Variants in RAP1B observed in about 807,000 individuals in gnomAD.
The protein encoded by RAP1B is ras-related protein Rap-1b.
A neutral mutation model predicts 27.5 loss-of-function variants in RAP1B; 1 was observed. That is an observed-to-expected ratio of 0.04 (90% CI 0.01 to 0.17). The LOEUF (loss-of-function observed/expected upper bound fraction) is 0.17, where lower values mean the gene tolerates loss of function less well. Ranked by LOEUF, RAP1B falls within the 10% of genes least tolerant of loss-of-function variation. The probability of loss-of-function intolerance (pLI) is 1.00; values close to 1 mark genes in which losing one functional copy is unlikely to be tolerated. For missense variants in RAP1B, 84 were observed against 214.8 expected (o/e 0.39, Z 3.81); for synonymous variants, 75 against 73.1 (o/e 1.03, Z -0.13).
In RAP1B at chr12:68,659,512, A is replaced by C. The variant is rs1207793066; in HGVS notation, c.*263A>C. 3.1e-6 allele frequency: 1 copy of C among 321,844 alleles called. No homozygotes were observed. Among genetic ancestry groups the C allele is most frequent in the Non-Finnish European group, 6.1e-6 (1 of 163,622 alleles). The allele number at this position is 321,844 out of a possible 1,614,324, so 19.9% of individuals were successfully genotyped here. ...AGAGGCTACATCCAGTATTACTGCT[A>C]AGAGACATTCTTCATCCACCAATGT... On this transcript the variant is annotated 3_prime_UTR_variant, in exon 8 of 8. Coordinates refer to ENST00000250559, the MANE Select transcript of RAP1B (RefSeq NM_001010942.3).
intron 1 of RAP1B, among the ~76,000 whole-genome samples, chr12:68,630,870 G>A (rs968416818): frequency 2.0e-5 from 3 of 151,812 alleles, no homozygotes; most frequent in Non-Finnish European, 4.4e-5. Flanking sequence ...TTTTGTAGGG[G>A]TGGGGTTTCG....
At chr12:68,611,611 C>G (rs1310791634) in intron 1 of RAP1B, among the ~76,000 whole-genome samples, 3 of 152,158 alleles carry the variant, frequency 2.0e-5, no homozygotes, top group African/African-American at 7.2e-5. Flanking sequence ...TTGAGCCTGA[C>G]AGCGAAAAAG....
At chr12:68,614,884 T>G (rs917577589) in intron 1 of RAP1B, among the ~76,000 whole-genome samples, 6 of 152,238 alleles carry the variant, frequency 3.9e-5, no homozygotes, top group Non-Finnish European at 8.8e-5. Context: ...GTAAATCTCA[T>G]AAGCACAGTG....
rs944790435 is a variant in RAP1B, at chr12:68,659,383, G to A, written c.*134G>A. 5.1e-5 allele frequency: 22 copies of A among 427,514 alleles called. No homozygotes were observed. The highest frequency in any genetic ancestry group is 1.5e-4 in the South Asian group (9 of 59,614). 26.5% of individuals were successfully genotyped at this position (427,514 alleles called of 1,614,324 possible). ...CCTGTGGTGGTACCCTTTAAGAGGC[G>A]GATGAAAGCTACTATATCAGTTTGC... On this transcript the variant is annotated 3_prime_UTR_variant, in exon 8 of 8. Transcript: ENST00000250559.
At chr12:68,626,996 GA>G (rs1469880075) in intron 1 of RAP1B, 1 of 1,556,914 alleles carries the variant, frequency 6.4e-7, no homozygotes, top group South Asian at 1.1e-5. Flanking sequence ...TGAACTTGGT[GA>G]AGCCCCACTT....
intron 1 of RAP1B, among the ~76,000 whole-genome samples, chr12:68,632,090 A>G (rs1409982379): frequency 6.7e-6 from 1 of 148,874 alleles, no homozygotes; most frequent in Non-Finnish European, 1.5e-5. Context: ...AAACACATAA[A>G]ATGAACATGA....
At chr12:68,651,302 A>G (rs554896645) in intron 3 of RAP1B, among the ~76,000 whole-genome samples, 1 of 151,424 alleles carries the variant, frequency 6.6e-6, no homozygotes, top group Non-Finnish European at 1.5e-5. Flanking sequence ...GTATTTCCCA[A>G]CCTCTATGAA....
chr12:68,650,393 T>C lies in RAP1B; in HGVS notation c.58-7T>C. On this transcript the variant is annotated splice_region_variant and splice_polypyrimidine_tract_variant and intron_variant, in intron 2 of 7. Transcript: ENST00000250559. ...GAAGTATAATGGTTTCTTAATTTTT[T>C]TTTCAGACTGTACAATTTGTTCAAG... 1 of 1,542,788 alleles carries C rather than the reference T, an allele frequency of 6.5e-7. No individual in the cohort carries two copies. Among genetic ancestry groups the C allele is most frequent in the Admixed American group, 2.1e-5 (1 of 47,404 alleles).
At chr12:68,656,261 A>G in intron 5 of RAP1B, 45 bp from the exon 6 acceptor site, 7 of 1,508,050 alleles carry the variant, frequency 4.6e-6, no homozygotes, top group Non-Finnish European at 6.4e-6. Context: ...GAATTCATAT[A>G]GCATATTTAC....
rs1875014327 is a variant in RAP1B at position 68,669,934 on chromosome 12, TC to T, written c.*10686del. The T allele has an allele frequency of 2.9e-5, 3 of 103,928 alleles. No individual in the cohort carries two copies. Among genetic ancestry groups the T allele is most frequent in the African/African-American group, 3.3e-5 (1 of 30,090 alleles). 6.4% of individuals were successfully genotyped at this position (103,928 alleles called of 1,614,324 possible). A position where few individuals can be genotyped will look rare whatever the true frequency, so the allele number is the denominator to read the frequency against. On this transcript the variant is annotated 3_prime_UTR_variant, in exon 8 of 8. Transcript: ENST00000250559. ...TGACAAAAATATATTTCTTTTTCTT[TC>T]TTTTTTTTTTTTTTTTTTTTGAGAC...
At chr12:68,652,833 G>A (rs539049948) in intron 4 of RAP1B, among the ~76,000 whole-genome samples, 1 of 152,310 alleles carries the variant, frequency 6.6e-6, no homozygotes, top group South Asian at 2.1e-4. Context: ...AAAATTTTCA[G>A]TCTCACTAGT....
chr12:68,630,660 T>TG (rs983127828), intron 1 of RAP1B, among the ~76,000 whole-genome samples: 4 of 152,080 alleles, frequency 2.6e-5, no homozygotes, highest in Non-Finnish European at 4.4e-5. Flanking sequence ...TTTTTGGTTT[T>TG]GGGGTCTTTT....
chr12:68,611,269 G>T (rs1870554745), intron 1 of RAP1B, among the ~76,000 whole-genome samples: 1 of 149,966 alleles, frequency 6.7e-6, no homozygotes, highest in South Asian at 2.1e-4. Context: ...AGCAGCCGCC[G>T]CCGCCGCGGG....
At chr12:68,655,591 A>AC (rs1874150364) in intron 5 of RAP1B, among the ~76,000 whole-genome samples, 1 of 144,630 alleles carries the variant, frequency 6.9e-6, no homozygotes, top group Non-Finnish European at 1.5e-5. Flanking sequence ...GCTGGAGTGC[A>AC]ATGGCACGAT....
At position 68,631,515 on chromosome 12, in the gene RAP1B, T is replaced by C. The variant is rs191800609; in HGVS notation, c.-26-17184T>C. Among the ~76,000 whole-genome samples, 9 of 152,312 alleles carry C rather than the reference T, an allele frequency of 5.9e-5. No individual in the cohort carries two copies. In the East Asian group the frequency reaches 1.5e-3, roughly 26 times the overall value. Reference sequence around the variant, plus strand: ...ATGAGTCAGAGCTCTTCACTGATACTCAGAGATCTCCTTAATCTTAACTGA... The same window carrying C: ...ATGAGTCAGAGCTCTTCACTGATACCCAGAGATCTCCTTAATCTTAACTGA... On this transcript the variant is annotated intron_variant, in intron 1 of 7. Coordinates refer to ENST00000250559, the MANE Select transcript of RAP1B (RefSeq NM_001010942.3).
intron 4 of RAP1B, among the ~76,000 whole-genome samples, chr12:68,652,566 G>A (rs1873892462): frequency 6.6e-6 from 1 of 152,212 alleles, no homozygotes; most frequent in African/African-American, 2.4e-5. Flanking sequence ...TGTAATCCCA[G>A]CACTTTGGGA....
At chr12:68,635,240 A>G (rs2135939729) in intron 1 of RAP1B, among the ~76,000 whole-genome samples, 1 of 152,292 alleles carries the variant, frequency 6.6e-6, no homozygotes, top group Non-Finnish European at 1.5e-5. Context: ...TTCAAAAAGA[A>G]TTTTTAAAGT....
chr12:68,630,468 A>G lies in RAP1B; in HGVS notation c.-26-18231A>G, dbSNP rs527535523. Among the ~76,000 whole-genome samples the G allele has an allele frequency of 7.2e-5, 11 of 152,262 alleles. 1 individual carries two copies. The South Asian group carries it at 2.3e-3, about 32-fold the overall frequency. On this transcript the variant is annotated intron_variant, in intron 1 of 7. Coordinates refer to ENST00000250559, the MANE Select transcript of RAP1B (RefSeq NM_001010942.3). ...AAATGGGATTTGGCCTGGGAGTTCTAGTTGGCCAACCTCCCCTCTAGGGCA... is the reference window on the plus strand; with the variant it reads ...AAATGGGATTTGGCCTGGGAGTTCTGGTTGGCCAACCTCCCCTCTAGGGCA...
intron 1 of RAP1B, among the ~76,000 whole-genome samples, chr12:68,619,960 C>T (rs1871279865): frequency 6.6e-6 from 1 of 152,066 alleles, no homozygotes; most frequent in Non-Finnish European, 1.5e-5. Context: ...CCCTTGTGTC[C>T]AAAGTCTAAC....
Sources: gnomAD v4.1 joint callset for allele counts (sites outside exome capture counted in the v4.1 genomes callset) on GRCh38, gnomAD v4.1.1 for gene constraint, MANE v1.5 for transcripts, NCBI Gene and HGNC (gene_info 2026-07-23, HGNC 2026-07-21) for gene names.